Variants in KNDC1 observed in about 807,000 individuals in gnomAD.
KNDC1 encodes kinase non-catalytic C-lobe domain-containing protein 1.
A neutral mutation model predicts 172.8 loss-of-function variants in KNDC1; 106 were observed. The observed-to-expected ratio is 0.61, with a 90% CI of 0.52 to 0.72. The LOEUF (loss-of-function observed/expected upper bound fraction) is 0.72, where lower values mean the gene tolerates loss of function less well. Ranked by LOEUF, KNDC1 falls within the 30% of genes least tolerant of loss-of-function variation. KNDC1 has a pLI of 0.00. For synonymous variants in KNDC1, 1,083 were observed against 1,062.2 expected, an observed-to-expected ratio of 1.02 and a Z score of -0.38; for missense variants, 2,325 against 2,394.5, an observed-to-expected ratio of 0.97 and a Z score of 0.61.
rs753918113 is a variant in KNDC1 at position 133,195,799 on chromosome 10, C to A, written c.1712C>A (p.Pro571Gln). The A allele has an allele frequency of 6.3e-7, 1 of 1,578,382 alleles. No homozygotes were observed. Among genetic ancestry groups the A allele is most frequent in the South Asian group, 1.2e-5 (1 of 86,830 alleles). ...GCCAGGCGCAGTGCCCCGGAGCGGC[C>A]GTCCGCGGCTGAGGCCATCAAGGTA... is the stretch of plus-strand genomic sequence containing the variant. ...DMARRSAPER[P>Q]SAAEAIKVCG... Residue 571 changes from proline to glutamine, a missense_variant, in exon 10 of 30, where the codon CCG (proline) becomes CAG (glutamine). Physicochemically the swap from Pro to Gln is moderately conservative, Grantham distance 76. Coordinates refer to ENST00000304613, the MANE Select transcript of KNDC1 (RefSeq NM_152643.8).
intron 14 of KNDC1, 43 bp downstream of exon 14, chr10:133,199,309 G>T: frequency 6.5e-7 from 1 of 1,543,692 alleles, no homozygotes; most frequent in Non-Finnish European, 8.7e-7. Flanking sequence ...CCCGGGCCAG[G>T]GAGAGCCCCA....
rs897501640 is a variant in KNDC1, at chr10:133,163,406, C to T, written c.102+2837C>T. ...CTGGAGGGGCACACAGCTGGGGGCT[C>T]CCAGTAAAGAAGAGGACGTCCCCGC... On this transcript the variant is annotated intron_variant, in intron 1 of 29. Transcript: ENST00000304613. The surrounding 1 kb of genome is among the most constrained non-coding windows in gnomAD (Gnocchi z 4.4). 1.4e-4 allele frequency among the ~76,000 whole-genome samples: 21 copies of T among 152,092 alleles called. No homozygotes were observed. The highest frequency in any genetic ancestry group is 4.8e-4 in the African/African-American group (20 of 41,410).
rs541299547 is a variant in KNDC1, at chr10:133,225,188, G to A, written c.*298G>A. On this transcript the variant is annotated 3_prime_UTR_variant, in exon 30 of 30. Transcript: ENST00000304613. ...AAAGACAGCTTCCCAGGAGTTTTGT[G>A]CCTGTCTGCGCCTCTCACACACAGA... 1.6e-5 allele frequency: 6 copies of A among 369,348 alleles called. No homozygotes were observed. Among genetic ancestry groups the A allele is most frequent in the Non-Finnish European group, 3.1e-5 (6 of 194,226 alleles). The allele number at this position is 369,348 out of a possible 1,614,324, so 22.9% of individuals were successfully genotyped here.
At chr10:133,167,171 G>A (rs554385264) in intron 1 of KNDC1, 134 of 595,204 alleles carry the variant, frequency 2.3e-4, no homozygotes, top group African/African-American at 1.8e-3. Flanking sequence ...GCACGCCGAC[G>A]GTGCCACCAA....
intron 10 of KNDC1, among the ~76,000 whole-genome samples, chr10:133,196,286 G>A (rs1854189097): frequency 1.4e-5 from 2 of 147,252 alleles, no homozygotes; most frequent in South Asian, 4.6e-4. Flanking sequence ...CTGGACTCAA[G>A]CTTTGGGGCT....
intron 9 of KNDC1, among the ~76,000 whole-genome samples, chr10:133,193,254 G>T (rs1854107454): frequency 6.6e-6 from 1 of 152,264 alleles, no homozygotes; most frequent in Non-Finnish European, 1.5e-5. Context: ...GCTAGGTGCA[G>T]TGGCTCAGGC....
chr10:133,173,912 CT>C (rs1853450003), intron 3 of KNDC1: 1 of 152,252 alleles, frequency 6.6e-6, no homozygotes. Context: ...CATTTTCATT[CT>C]CTTCTTAACT....
Position 133,186,324 on chromosome 10 carries a change from C to G in KNDC1, c.976C>G (p.Arg326Gly), listed in dbSNP as rs758391585. 1 of 1,612,606 alleles carries G rather than the reference C, an allele frequency of 6.2e-7. No individual in the cohort carries two copies. The highest frequency in any genetic ancestry group is 8.5e-7 in the Non-Finnish European group (1 of 1,179,914). Residue 326 changes from arginine to glycine, a missense_variant, in exon 6 of 30, where the codon CGC becomes GGC. Physicochemically the swap from Arg to Gly is moderately radical, Grantham distance 125 (BLOSUM62 -2). Coordinates refer to ENST00000304613, the MANE Select transcript of KNDC1 (RefSeq NM_152643.8). ...PEATLCLPLT[R>G]GKSQLPISEL... Reference sequence around the variant, plus strand: ...GGCCACCCTCTGCCTGCCGCTGACCCGCGGGAAAAGCCAGCTGCCCATATC... The same window carrying G: ...GGCCACCCTCTGCCTGCCGCTGACCGGCGGGAAAAGCCAGCTGCCCATATC...
chr10:133,224,615 C>A lies in KNDC1; in HGVS notation c.5019-44C>A, dbSNP rs765243017. ...GACTCCCTCCCCACGGAAGCCGCGC[C>A]CCTGCCCTGTGCAAACTAACGTCTC... On this transcript the variant is annotated intron_variant, in intron 29 of 29. Coordinates refer to ENST00000304613, the MANE Select transcript of KNDC1 (RefSeq NM_152643.8). This position sits in a 1 kb window ranked among gnomAD's most constrained non-coding sequence, Gnocchi z 5.4. The A allele has an allele frequency of 2.7e-6, 4 of 1,509,162 alleles. No individual in the cohort carries two copies. In the South Asian group the frequency reaches 3.4e-5, roughly 13 times the overall value. 93.5% of individuals were successfully genotyped at this position (1,509,162 alleles called of 1,614,324 possible). A position where few individuals can be genotyped will look rare whatever the true frequency, so the allele number is the denominator to read the frequency against.
chr10:133,190,635 C>T (rs950333884), intron 9 of KNDC1, among the ~76,000 whole-genome samples: 1 of 152,258 alleles, frequency 6.6e-6, no homozygotes, highest in Non-Finnish European at 1.5e-5. Flanking sequence ...TTTTCATCTT[C>T]TGGGGATGTT....
In KNDC1 at chr10:133,225,150, A is replaced by C; in HGVS notation, c.*260A>C. 1 of 467,238 alleles carries C rather than the reference A, an allele frequency of 2.1e-6. No homozygotes were observed. The highest frequency in any genetic ancestry group is 3.9e-6 in the Non-Finnish European group (1 of 256,266). 28.9% of individuals were successfully genotyped at this position (467,238 alleles called of 1,614,324 possible). A position where few individuals can be genotyped will look rare whatever the true frequency, so the allele number is the denominator to read the frequency against. On this transcript the variant is annotated 3_prime_UTR_variant, in exon 30 of 30. Coordinates refer to ENST00000304613, the MANE Select transcript of KNDC1 (RefSeq NM_152643.8). ...CTGCTAGAATTAAAAAGTTAAATTT[A>C]AAAATGAAAATGAAAGACAGCTTCC...
At chr10:133,202,872 G>A (rs567979184) in intron 17 of KNDC1, among the ~76,000 whole-genome samples, 39 of 152,344 alleles carry the variant, frequency 2.6e-4, no homozygotes, top group African/African-American at 8.9e-4. Flanking sequence ...GCCTGAGGGG[G>A]CTTCGAGGAC....
At chr10:133,183,741 C>A in intron 4 of KNDC1, 131 bp from the exon 5 acceptor site, 1 of 837,996 alleles carries the variant, frequency 1.2e-6, no homozygotes, top group Non-Finnish European at 1.9e-6. Flanking sequence ...AGAAAATGGG[C>A]AAGGCAGGCG....
intron 23 of KNDC1, 93 bp from the exon 24 acceptor site, chr10:133,212,623 G>C (rs1301814833): frequency 2.8e-6 from 3 of 1,065,414 alleles, no homozygotes; most frequent in Non-Finnish European, 2.7e-6. Flanking sequence ...CTTGCACCTG[G>C]CCTGGTCCTC....
rs1318801632 is a variant in KNDC1 at position 133,163,581 on chromosome 10, G to T, written c.102+3012G>T. 2.0e-5 allele frequency among the ~76,000 whole-genome samples: 3 copies of T among 152,122 alleles called. No individual in the cohort carries two copies. Among genetic ancestry groups the T allele is most frequent in the African/African-American group, 7.2e-5 (3 of 41,402 alleles). On this transcript the variant is annotated intron_variant, in intron 1 of 29. Transcript: ENST00000304613. The surrounding 1 kb of genome is among the most constrained non-coding windows in gnomAD (Gnocchi z 4.4). The stretch of plus-strand genomic sequence containing the variant: ...CAGCCAGTGCTCCCAGCTGTGATTG[G>T]AGTTTTGTATTAGTCCTGTTAGAAT...
chr10:133,224,561 A>T lies in KNDC1; in HGVS notation c.5019-98A>T. ...CAGAATTTACACGGTGAAAAGATTTAGTCCAAATGATTCCTAAGAACGCGG... is the reference window on the plus strand; with the variant it reads ...CAGAATTTACACGGTGAAAAGATTTTGTCCAAATGATTCCTAAGAACGCGG... On this transcript the variant is annotated intron_variant, in intron 29 of 29. Coordinates refer to ENST00000304613, the MANE Select transcript of KNDC1 (RefSeq NM_152643.8). This position sits in a 1 kb window ranked among gnomAD's most constrained non-coding sequence, Gnocchi z 5.4. The T allele has an allele frequency of 1.2e-6, 1 of 811,340 alleles. No individual in the cohort carries two copies. The highest frequency in any genetic ancestry group is 1.8e-5 in the South Asian group (1 of 56,700). 50.3% of individuals were successfully genotyped at this position (811,340 alleles called of 1,614,324 possible). A position where few individuals can be genotyped will look rare whatever the true frequency, so the allele number is the denominator to read the frequency against.
chr10:133,205,114 C>T (rs1284441252), intron 17 of KNDC1, among the ~76,000 whole-genome samples: 1 of 152,206 alleles, frequency 6.6e-6, no homozygotes, highest in African/African-American at 2.4e-5. Context: ...GAGGGAAGGG[C>T]CGTCTCTGGG....
intron 21 of KNDC1, among the ~76,000 whole-genome samples, chr10:133,210,992 C>T (rs1845351865): frequency 6.6e-6 from 1 of 152,114 alleles, no homozygotes; most frequent in South Asian, 2.1e-4. Flanking sequence ...TCCTGCTGAC[C>T]TGGGAGGAAA....
intron 1 of KNDC1, among the ~76,000 whole-genome samples, chr10:133,166,012 C>G (rs1367503855): frequency 6.6e-6 from 1 of 152,252 alleles, no homozygotes; most frequent in Non-Finnish European, 1.5e-5. Context: ...TGGCCAGGCC[C>G]CACCGGGCGC....
Sources: allele counts gnomAD v4.1 joint callset (sites outside exome capture counted in the v4.1 genomes callset), GRCh38; gene constraint gnomAD v4.1.1; non-coding constraint Gnocchi (gnomAD v3.1); transcripts MANE v1.5; gene names NCBI Gene and HGNC (gene_info 2026-07-23, HGNC 2026-07-21).